The following TATDN1 variants were observed in gnomAD, a reference collection of about 807,000 sequenced individuals.
TATDN1 encodes the protein TatD DNase domain containing 1, also known as deoxyribonuclease TATDN1.
In TATDN1, 40 loss-of-function variants were observed where a neutral mutation model predicts 46.4. The ratio of observed to expected loss-of-function variants is 0.86; its 90% CI spans 0.67 to 1.12. TATDN1 has a LOEUF of 1.12. TATDN1 is among the 50% of genes most tolerant of loss of function. TATDN1 has a pLI of 0.00. For synonymous variants in TATDN1, 95 were observed against 105.6 expected, an observed-to-expected ratio of 0.90 and a Z score of 0.62; for missense variants, 326 against 348.4, an observed-to-expected ratio of 0.94 and a Z score of 0.51.
intron 6 of TATDN1, among the ~76,000 whole-genome samples, chr8:124,512,066 C>T (rs928706896): frequency 3.3e-5 from 5 of 152,130 alleles, no homozygotes; most frequent in Admixed American, 1.3e-4. Flanking sequence ...TTCTGTCTTG[C>T]CCCCTAATTT....
chr8:124,493,676 T>G, intron 11 of TATDN1, 157 bp downstream of exon 11: 1 of 734,966 alleles, frequency 1.4e-6, no homozygotes, highest in African/African-American at 1.8e-5. Context: ...AAACCAGGTA[T>G]GCAAATTCCT....
chr8:124,490,822 C>G (rs1024569944), intron 11 of TATDN1, among the ~76,000 whole-genome samples: 1 of 151,550 alleles, frequency 6.6e-6, no homozygotes, highest in African/African-American at 2.4e-5. Context: ...TCTTGGCTCA[C>G]TGTGTGTGAT....
At chr8:124,517,603 CA>C (rs1226224204) in intron 4 of TATDN1, among the ~76,000 whole-genome samples, 3 of 152,024 alleles carry the variant, frequency 2.0e-5, no homozygotes, top group Non-Finnish European at 4.4e-5. Flanking sequence ...CAGTGTCTAG[CA>C]CGTAAGATAA....
intron 9 of TATDN1, among the ~76,000 whole-genome samples, chr8:124,500,838 C>T (rs1252073760): frequency 6.6e-6 from 1 of 151,142 alleles, no homozygotes; most frequent in African/African-American, 2.4e-5. Context: ...TACCCCAAAT[C>T]ACAACATATA....
intron 1 of TATDN1, among the ~76,000 whole-genome samples, chr8:124,533,468 G>T (rs940891334): frequency 2.1e-5 from 3 of 140,538 alleles, no homozygotes; most frequent in African/African-American, 7.4e-5. Flanking sequence ...GAGGCCTGAG[G>T]GGGTGGCAAC....
In TATDN1 at chr8:124,511,424, A is replaced by T. The variant is rs533823881; in HGVS notation, c.390-2736T>A. Among the ~76,000 whole-genome samples, 5 of 152,306 alleles carry T rather than the reference A, an allele frequency of 3.3e-5. No homozygotes were observed. In the South Asian group the frequency reaches 1.0e-3, roughly 32 times the overall value. On this transcript the variant is annotated intron_variant, in intron 6 of 11. Coordinates refer to ENST00000276692, the MANE Select transcript of TATDN1 (RefSeq NM_032026.4). The stretch of plus-strand genomic sequence containing the variant: ...CCTAAATCCCCAAAGGATTGTTTTA[A>T]AATCTTCTTGTTGTAGTTTTTAAGA...
intron 10 of TATDN1, chr8:124,495,217 ACCT>A: frequency 4.2e-6 from 2 of 477,248 alleles, no homozygotes; most frequent in East Asian, 4.0e-5. Context: ...CGTAACTACA[ACCT>A]CCTGAGTTAT....
At chr8:124,507,391 T>C (rs372003371) in intron 8 of TATDN1, among the ~76,000 whole-genome samples, 2 of 152,098 alleles carry the variant, frequency 1.3e-5, no homozygotes, top group Non-Finnish European at 1.5e-5. Context: ...TTTCAAAACA[T>C]AAAAATTAGT....
chr8:124,493,115 A>G (rs898842190), intron 11 of TATDN1, among the ~76,000 whole-genome samples: 1 of 152,236 alleles, frequency 6.6e-6, no homozygotes, highest in Non-Finnish European at 1.5e-5. Flanking sequence ...GTGCATATGC[A>G]ATGAATAGTC....
intron 10 of TATDN1, 70 bp from the exon 11 acceptor site, chr8:124,494,029 T>C: frequency 7.1e-7 from 1 of 1,414,082 alleles, no homozygotes; most frequent in Non-Finnish European, 9.5e-7. Context: ...CATTATCTAA[T>C]ATATAACCTC....
intron 6 of TATDN1, among the ~76,000 whole-genome samples, chr8:124,514,829 A>G (rs1276027177): frequency 6.6e-6 from 1 of 152,228 alleles, no homozygotes; most frequent in Non-Finnish European, 1.5e-5. Context: ...CTCAGAAGCC[A>G]CCATTCAACA....
At chr8:124,505,478 G>C (rs1008549287) in intron 8 of TATDN1, among the ~76,000 whole-genome samples, 1 of 150,466 alleles carries the variant, frequency 6.6e-6, no homozygotes, top group East Asian at 1.9e-4. Flanking sequence ...TGTAATCTCA[G>C]CAATTTGGGA....
chr8:124,528,318 C>T lies in TATDN1; in HGVS notation c.23-5316G>A, dbSNP rs545837800. On this transcript the variant is annotated intron_variant, in intron 1 of 11. Transcript: ENST00000276692. ...CCTCCCAAGTAGCTGAGACTACAGG[C>T]GCCTGCCGCCACACCCGGCTAATTT... 1.2e-4 allele frequency among the ~76,000 whole-genome samples: 18 copies of T among 152,102 alleles called. No homozygotes were observed. The East Asian group carries it at 1.9e-3, about 16-fold the overall frequency.
intron 10 of TATDN1, chr8:124,494,211 A>C (rs1817263583): frequency 3.7e-6 from 1 of 268,486 alleles, no homozygotes; most frequent in East Asian, 7.0e-5. Flanking sequence ...TTTAAAAAAA[A>C]GACCTAAACC....
intron 1 of TATDN1, among the ~76,000 whole-genome samples, chr8:124,528,291 G>A (rs923992709): frequency 6.6e-6 from 1 of 151,832 alleles, no homozygotes; most frequent in African/African-American, 2.4e-5. Flanking sequence ...CCCCTGCCTC[G>A]GCCTCCCAAG....
chr8:124,513,101 C>T (rs181199534), intron 6 of TATDN1, among the ~76,000 whole-genome samples: 207 of 152,122 alleles, frequency 1.4e-3, no homozygotes, highest in Non-Finnish European at 2.3e-3. Flanking sequence ...TTAGTAGAGA[C>T]GGGGTTTCAC....
intron 10 of TATDN1, chr8:124,495,225 A>T (rs919802771): frequency 2.0e-6 from 1 of 492,642 alleles, no homozygotes; most frequent in Non-Finnish European, 3.6e-6. Context: ...CAACCTCCTG[A>T]GTTATATTCT....
chr8:124,513,125 C>G (rs1819173101), intron 6 of TATDN1, among the ~76,000 whole-genome samples: 1 of 152,116 alleles, frequency 6.6e-6, no homozygotes, highest in African/African-American at 2.4e-5. Flanking sequence ...GTTGGTAAGG[C>G]TGGTCTTGAA....
chr8:124,512,430 A>G (rs1346475747), intron 6 of TATDN1, among the ~76,000 whole-genome samples: 1 of 152,114 alleles, frequency 6.6e-6, no homozygotes, highest in East Asian at 1.9e-4. Flanking sequence ...ATCTCAAAAA[A>G]CAAACAAACA....
Sources: gnomAD v4.1 joint callset for allele counts (sites outside exome capture counted in the v4.1 genomes callset) on GRCh38, gnomAD v4.1.1 for gene constraint, MANE v1.5 for transcripts, NCBI Gene and HGNC (gene_info 2026-07-23, HGNC 2026-07-21) for gene names.